The following RALGAPA1 variants were observed in gnomAD, a reference collection of about 807,000 sequenced individuals.
The protein encoded by RALGAPA1 is Ral GTPase activating protein catalytic subunit alpha 1, also known as ral GTPase-activating protein subunit alpha-1.
In RALGAPA1, 52 loss-of-function variants were observed where a neutral mutation model predicts 269.6. The observed-to-expected ratio is 0.19, with a 90% CI of 0.15 to 0.24. RALGAPA1 has a LOEUF of 0.24. Among genes scored for constraint, RALGAPA1 ranks in the 10% least tolerant of loss-of-function variants. RALGAPA1 has a pLI of 1.00. For missense variants in RALGAPA1, 1,917 were observed against 3,013.9 expected, an observed-to-expected ratio of 0.64 and a Z score of 8.52; for synonymous variants, 817 against 1,008.3, an observed-to-expected ratio of 0.81 and a Z score of 3.60.
At chr14:35,552,010 G>A (rs1197207928) in intron 39 of RALGAPA1, among the ~76,000 whole-genome samples, 2 of 151,964 alleles carry the variant, frequency 1.3e-5, no homozygotes, top group African/African-American at 2.4e-5. Context: ...TTTCCTTTTT[G>A]GGGGGTCAAA....
Position 35,635,464 on chromosome 14 carries a change from C to T in RALGAPA1, c.5811G>A (p.Lys1937=). The T allele has an allele frequency of 6.3e-7, 1 of 1,585,658 alleles. No individual in the cohort carries two copies. Among genetic ancestry groups the T allele is most frequent in the Non-Finnish European group, 8.6e-7 (1 of 1,169,148 alleles). ...TAAATAATAAAGCAAGGAAGTTTAC[C>T]TTATAAATGCAATTGAGAACAGATT... The part of the protein sequence containing the change: ...TEKSVLNCIY[K]VLHGCVYGAQ... The change falls in exon 32 of 42, where the codon AAG becomes AAA. Residue 1937 remains lysine, a splice_region_variant and synonymous_variant. Transcript: ENST00000680220.
chr14:35,747,067 C>T (rs185966316), intron 10 of RALGAPA1, among the ~76,000 whole-genome samples: 3 of 151,904 alleles, frequency 2.0e-5, no homozygotes, highest in Non-Finnish European at 4.4e-5. Context: ...AATCCCAGCA[C>T]TTTGGGAGGC....
At position 35,627,276 on chromosome 14, in the gene RALGAPA1, T is replaced by C. The variant is rs2061053588; in HGVS notation, c.6671A>G (p.Glu2224Gly). The C allele has an allele frequency of 6.2e-7, 1 of 1,609,024 alleles. No homozygotes were observed. Among genetic ancestry groups the C allele is most frequent in the Non-Finnish European group, 8.5e-7 (1 of 1,178,908 alleles). Residue 2224 changes from glutamate (E) to glycine (G), a missense_variant, in exon 34 of 42, where the codon GAA becomes GGA. By Grantham distance (98) the Glu-to-Gly change is moderately conservative. This residue lies in a region of RALGAPA1 where 132 missense variants were observed against 271.2 expected (regional missense o/e 0.49). Transcript: ENST00000680220. ...AAGGATAGCATTAATAACATCATTT[T>C]CTTGTTTTTCAGAAATGCACACAGG... Reference protein sequence around the residue: ...PQPVCISEKQENDVINAILKQ... With the variant: ...PQPVCISEKQGNDVINAILKQ...
chr14:35,733,177 GA>G (rs1324874317), intron 12 of RALGAPA1, among the ~76,000 whole-genome samples: 1 of 152,052 alleles, frequency 6.6e-6, no homozygotes, highest in African/African-American at 2.4e-5. Flanking sequence ...AATCAAGATG[GA>G]AATTTAAAAA....
intron 1 of RALGAPA1, among the ~76,000 whole-genome samples, chr14:35,803,007 TATGGAA>T (rs1179665971): frequency 6.6e-6 from 1 of 151,944 alleles, no homozygotes; most frequent in Non-Finnish European, 1.5e-5. Context: ...TTTAGACTCA[TATGGAA>T]ATGTAAAGGA....
At chr14:35,628,066 T>G in intron 33 of RALGAPA1, 115 bp from the exon 34 acceptor site, 1 of 1,194,684 alleles carries the variant, frequency 8.4e-7, no homozygotes, top group Non-Finnish European at 1.2e-6. Flanking sequence ...ATTTCCAGTT[T>G]AGATTCCATA....
intron 27 of RALGAPA1, among the ~76,000 whole-genome samples, chr14:35,660,547 A>G (rs1030998604): frequency 6.6e-6 from 1 of 152,114 alleles, no homozygotes; most frequent in Admixed American, 6.5e-5. Context: ...CACAGATTAC[A>G]GAATTATTAA....
intron 39 of RALGAPA1, among the ~76,000 whole-genome samples, chr14:35,557,866 G>A (rs2055779934): frequency 6.6e-6 from 1 of 152,096 alleles, no homozygotes; most frequent in African/African-American, 2.4e-5. Flanking sequence ...TTAAGAACAT[G>A]CTGCATAAAT....
At position 35,719,261 on chromosome 14, in the gene RALGAPA1, G is replaced by A. The variant is rs1266721329; in HGVS notation, c.2266+2427C>T. On this transcript the variant is annotated intron_variant, in intron 16 of 41. Transcript: ENST00000680220. ...GAATCACTTGAACCCAGGAGGCAGA[G>A]GTTACAGTGAGCTGGGATTGCACCT... Among the ~76,000 whole-genome samples the A allele has an allele frequency of 2.6e-5, 4 of 152,146 alleles. No homozygotes were observed. In the East Asian group the frequency reaches 7.7e-4, roughly 29 times the overall value.
intron 31 of RALGAPA1, among the ~76,000 whole-genome samples, chr14:35,650,209 C>T (rs751296009): frequency 6.6e-6 from 1 of 151,648 alleles, no homozygotes; most frequent in Non-Finnish European, 1.5e-5. Context: ...CCCCCGCCCC[C>T]GACACATCTC....
At chr14:35,549,514 G>A (rs1259128931) in intron 39 of RALGAPA1, among the ~76,000 whole-genome samples, 3 of 152,062 alleles carry the variant, frequency 2.0e-5, no homozygotes, top group Non-Finnish European at 4.4e-5. Flanking sequence ...AATGAAGGAA[G>A]TTAACAGTTT....
intron 1 of RALGAPA1, among the ~76,000 whole-genome samples, chr14:35,794,108 ATAAAT>A (rs1384511452): frequency 3.3e-5 from 5 of 152,184 alleles, no homozygotes; most frequent in African/African-American, 7.2e-5. Context: ...TACATTATAT[ATAAAT>A]TAAAGAATTT....
chr14:35,595,861 T>C, intron 36 of RALGAPA1, 72 bp from the exon 37 acceptor site: 4 of 1,295,222 alleles, frequency 3.1e-6, no homozygotes, highest in Non-Finnish European at 4.2e-6. Flanking sequence ...GACTCAAACT[T>C]CTTGCTTAAG....
chr14:35,676,198 G>A (rs1305416809), intron 22 of RALGAPA1: 1 of 151,814 alleles, frequency 6.6e-6, no homozygotes, highest in East Asian at 1.9e-4. Context: ...AACAATGTGT[G>A]GTCTTTGATT....
intron 41 of RALGAPA1, among the ~76,000 whole-genome samples, chr14:35,544,688 A>G (rs79468371): frequency 6.6e-6 from 1 of 152,182 alleles, no homozygotes; most frequent in Non-Finnish European, 1.5e-5. Context: ...AATAGAACAT[A>G]TCTGGCTGCC....
chr14:35,660,354 C>T (rs955631426), intron 27 of RALGAPA1, among the ~76,000 whole-genome samples: 1 of 152,018 alleles, frequency 6.6e-6, no homozygotes, highest in Non-Finnish European at 1.5e-5. Flanking sequence ...TTTCTATACA[C>T]TAACAGTGAA....
At chr14:35,628,223 T>C (rs1238160488) in intron 33 of RALGAPA1, among the ~76,000 whole-genome samples, 1 of 152,160 alleles carries the variant, frequency 6.6e-6, no homozygotes, top group East Asian at 1.9e-4. Context: ...TCAGAAGTAT[T>C]ATAAATCAAT....
chr14:35,647,193 T>C (rs2062490181), intron 31 of RALGAPA1, among the ~76,000 whole-genome samples: 1 of 152,190 alleles, frequency 6.6e-6, no homozygotes, highest in Non-Finnish European at 1.5e-5. Context: ...ATAATGCATA[T>C]AAAGTACACA....
chr14:35,781,400 A>C (rs555512363), intron 1 of RALGAPA1, among the ~76,000 whole-genome samples: 1 of 152,270 alleles, frequency 6.6e-6, no homozygotes, highest in African/African-American at 2.4e-5. Flanking sequence ...TTGGACTCAA[A>C]TGGCTTATGG....
Sources: gnomAD v4.1 joint callset for allele counts (sites outside exome capture counted in the v4.1 genomes callset) on GRCh38, gnomAD v4.1.1 for gene constraint, gnomAD v4.1.1 regional missense constraint, MANE v1.5 for transcripts, NCBI Gene and HGNC (gene_info 2026-07-23, HGNC 2026-07-21) for gene names.